Variants in ASNS observed in about 807,000 individuals in gnomAD.
ASNS encodes the protein asparagine synthetase [glutamine-hydrolyzing].
ASNS carries 37 observed loss-of-function variants against 62.6 expected under a neutral mutation model. That is an observed-to-expected ratio of 0.59 (90% CI 0.45 to 0.78). The LOEUF (loss-of-function observed/expected upper bound fraction) is 0.78, where lower values mean the gene tolerates loss of function less well. ASNS is among the 30% of genes least tolerant of loss of function. The probability of loss-of-function intolerance (pLI) is 0.00; values close to 1 mark genes in which losing one functional copy is unlikely to be tolerated. For synonymous variants in ASNS, 207 were observed against 237.9 expected (o/e 0.87, Z 1.19); for missense variants, 520 against 682.4 (o/e 0.76, Z 2.65).
the ASNS span, among the ~76,000 whole-genome samples, chr7:97,917,141 C>T: frequency 1.4e-5 from 2 of 145,672 alleles, no homozygotes; most frequent in African/African-American, 5.1e-5. Flanking sequence ...GCCAGTTAAA[C>T]TTGAATTTCA....
At chr7:97,911,560 T>G in the ASNS span, among the ~76,000 whole-genome samples, 5 of 151,600 alleles carry the variant, frequency 3.3e-5, no homozygotes, top group Non-Finnish European at 5.9e-5. Flanking sequence ...GAGGATCACC[T>G]GAGCCCAGAA....
At chr7:97,897,933 T>G in the ASNS span, among the ~76,000 whole-genome samples, 5 of 152,204 alleles carry the variant, frequency 3.3e-5, no homozygotes, top group East Asian at 9.6e-4. Flanking sequence ...TAAAAAAGAA[T>G]GAAATCCTGT....
the ASNS span, among the ~76,000 whole-genome samples, chr7:97,910,332 T>G: frequency 2.0e-5 from 3 of 152,176 alleles, no homozygotes; most frequent in East Asian, 3.8e-4. Context: ...TAGAAAATAA[T>G]TTTTAAAAAG....
At chr7:97,927,093 T>C in the ASNS span, among the ~76,000 whole-genome samples, 128 of 137,344 alleles carry the variant, frequency 9.3e-4, no homozygotes, top group South Asian at 1.5e-3. Flanking sequence ...TTTTTTTTTT[T>C]TTTTTTGGTA....
At chr7:97,873,121 G>C (rs1792360125), upstream of ASNS, among the ~76,000 whole-genome samples, 1 of 152,118 alleles carries the variant, frequency 6.6e-6, no homozygotes, top group Non-Finnish European at 1.5e-5. Context: ...ATACATCAGT[G>C]GTCCTTAAAC....
the ASNS span, among the ~76,000 whole-genome samples, chr7:97,895,978 C>A: frequency 6.9e-6 from 1 of 145,920 alleles, no homozygotes. Flanking sequence ...TAAACTTAAC[C>A]AAGGATGAGG....
Position 97,858,841 on chromosome 7 carries a change from TA to T in ASNS, c.775+12del, listed in dbSNP as rs765369330. 6.3e-7 allele frequency: 1 copy of T among 1,598,572 alleles called. No individual in the cohort carries two copies. The highest frequency in any genetic ancestry group is 1.4e-5 in the African/African-American group (1 of 73,902). ...CACATGAAATATAATTAGGTTTTTT[TA>T]ATTGACTTCACCTGATAAAAGGCAG... On this transcript the variant is annotated intron_variant, in intron 6 of 12. Coordinates refer to ENST00000394308, the MANE Select transcript of ASNS (RefSeq NM_001673.5).
At position 97,864,337 on chromosome 7, in the gene ASNS, T is replaced by C. The variant is rs200798770; in HGVS notation, c.409A>G (p.Arg137Gly). ...DTANKKVFLG[R>G]DTYGVRPLFK... ...AAAGGTCTGACTCCATATGTATCTCTACCCAGGAACACTTTCTTATTGGCA... is the reference window on the plus strand; with the variant it reads ...AAAGGTCTGACTCCATATGTATCTCCACCCAGGAACACTTTCTTATTGGCA... The change falls in exon 4 of 13, where the codon AGA becomes GGA. Residue 137 changes from arginine to glycine, a missense_variant. Physicochemically the swap from Arg to Gly is moderately radical, Grantham distance 125 (BLOSUM62 -2). Transcript: ENST00000394308. The C allele has an allele frequency of 6.2e-7, 1 of 1,613,792 alleles. No individual in the cohort carries two copies. The highest frequency in any genetic ancestry group is 8.5e-7 in the Non-Finnish European group (1 of 1,179,766).
the ASNS span, among the ~76,000 whole-genome samples, chr7:97,884,856 C>T: frequency 3.3e-5 from 5 of 152,152 alleles, no homozygotes; most frequent in Admixed American, 1.3e-4. Context: ...CAAAAAGAAA[C>T]GCTGTATCCA....
chr7:97,858,746 G>T, intron 6 of ASNS, 108 bp downstream of exon 6: 1 of 1,050,514 alleles, frequency 9.5e-7, no homozygotes, highest in Non-Finnish European at 1.4e-6. Flanking sequence ...ATGAAGGAAA[G>T]AGTAAATCAT....
the ASNS span, among the ~76,000 whole-genome samples, chr7:97,880,066 C>T: frequency 6.6e-6 from 1 of 151,992 alleles, no homozygotes; most frequent in Non-Finnish European, 1.5e-5. Flanking sequence ...GTATTTCTGA[C>T]AAATGCCAGG....
intron 7 of ASNS, among the ~76,000 whole-genome samples, chr7:97,857,784 CCTTTA>C (rs1489045585): frequency 6.6e-6 from 1 of 151,996 alleles, no homozygotes; most frequent in African/African-American, 2.4e-5. Flanking sequence ...CTGACTTATG[CCTTTA>C]CTTTCTTTTT....
At chr7:97,894,503 A>AG in the ASNS span, among the ~76,000 whole-genome samples, 2 of 118,528 alleles carry the variant, frequency 1.7e-5, no homozygotes, top group African/African-American at 6.6e-5. Flanking sequence ...AAAAAAAAAA[A>AG]AGACCCAAAT....
At chr7:97,886,618 G>T in the ASNS span, among the ~76,000 whole-genome samples, 1 of 151,864 alleles carries the variant, frequency 6.6e-6, no homozygotes, top group Non-Finnish European at 1.5e-5. Flanking sequence ...ATAGGGAAAT[G>T]TGAAAATAAA....
At chr7:97,893,341 T>G in the ASNS span, among the ~76,000 whole-genome samples, 27 of 152,218 alleles carry the variant, frequency 1.8e-4, no homozygotes, top group Non-Finnish European at 3.5e-4. Flanking sequence ...ATATACAAAA[T>G]AACCAGAAAA....
At chr7:97,923,418 TA>T in the ASNS span, among the ~76,000 whole-genome samples, 1 of 151,924 alleles carries the variant, frequency 6.6e-6, no homozygotes, top group Non-Finnish European at 1.5e-5. Flanking sequence ...TCATCTCCAC[TA>T]AAAATACAAA....
the ASNS span, among the ~76,000 whole-genome samples, chr7:97,905,482 T>C: frequency 6.6e-6 from 1 of 152,218 alleles, no homozygotes; most frequent in East Asian, 1.9e-4. Context: ...TTCAGCAATA[T>C]TTTTAAGTAT....
chr7:97,906,196 C>A, the ASNS span, among the ~76,000 whole-genome samples: 219 of 152,290 alleles, frequency 1.4e-3, no homozygotes, highest in African/African-American at 5.0e-3. Context: ...CCCCAATTTT[C>A]TCGGCTAGAA....
intron 12 of ASNS, 92 bp from the exon 13 acceptor site, chr7:97,852,560 C>A: frequency 8.0e-7 from 1 of 1,249,004 alleles, no homozygotes; most frequent in Non-Finnish European, 1.2e-6. Context: ...AATGTTAAGA[C>A]GTGACTGTAA....
Sources: gnomAD v4.1 joint callset for allele counts (sites outside exome capture counted in the v4.1 genomes callset) on GRCh38, gnomAD v4.1.1 for gene constraint, MANE v1.5 for transcripts, NCBI Gene and HGNC (gene_info 2026-07-23, HGNC 2026-07-21) for gene names.